Variants in USH2A observed in about 807,000 individuals in gnomAD.
USH2A encodes usherin.
In USH2A, 443 loss-of-function variants were observed where a neutral mutation model predicts 538.9. The ratio of observed to expected loss-of-function variants is 0.82; its 90% CI spans 0.76 to 0.89. USH2A has a LOEUF of 0.89. USH2A is among the 40% of genes least tolerant of loss of function. USH2A has a pLI of 0.00. For synonymous variants in USH2A, 2,413 were observed against 2,273.5 expected (o/e 1.06, Z -1.75); for missense variants, 6,633 against 6,324.8 (o/e 1.05, Z -1.65).
intron 3 of USH2A, among the ~76,000 whole-genome samples, chr1:216,376,949 C>T (rs557068699): frequency 2.6e-5 from 4 of 152,136 alleles, no homozygotes; most frequent in Admixed American, 1.3e-4. Flanking sequence ...TAGAACATCC[C>T]ATTATATAAT....
intron 49 of USH2A, among the ~76,000 whole-genome samples, chr1:215,805,366 G>A (rs1662471166): frequency 6.6e-6 from 1 of 151,994 alleles, no homozygotes; most frequent in Admixed American, 6.6e-5. Context: ...ATTATATTAG[G>A]TACCTAGAGT....
chr1:216,237,875 T>G (rs545005094), intron 13 of USH2A, among the ~76,000 whole-genome samples: 16 of 152,328 alleles, frequency 1.1e-4, no homozygotes, highest in Non-Finnish European at 2.2e-4. Context: ...GTGACAAGAT[T>G]CCTTCCTGAT....
chr1:216,021,771 G>A (rs1484327587), intron 32 of USH2A, among the ~76,000 whole-genome samples: 1 of 152,186 alleles, frequency 6.6e-6, no homozygotes, highest in African/African-American at 2.4e-5. Context: ...CTGATTGTGA[G>A]TGTAAGATAT....
At chr1:215,906,453 T>C (rs1361371717) in intron 38 of USH2A, among the ~76,000 whole-genome samples, 6 of 152,028 alleles carry the variant, frequency 3.9e-5, no homozygotes, top group Admixed American at 3.9e-4. Flanking sequence ...GATTCTAACA[T>C]GGGCCGTTTA....
intron 71 of USH2A, among the ~76,000 whole-genome samples, chr1:215,627,437 C>CCTTCCTTCT (rs1558027487): frequency 1.9e-3 from 96 of 50,726 alleles, no homozygotes; most frequent in African/African-American, 3.3e-3. Context: ...TCCTTCCTTC[C>CCTTCCTTCT]TTCCTTCCTT....
intron 9 of USH2A, among the ~76,000 whole-genome samples, chr1:216,317,443 T>G (rs2037530574): frequency 6.6e-6 from 1 of 152,042 alleles, no homozygotes; most frequent in South Asian, 2.1e-4. Context: ...AGCTAATGGT[T>G]TCTGGACTTA....
chr1:216,023,002 G>A (rs1268331177), intron 32 of USH2A, among the ~76,000 whole-genome samples: 1 of 152,114 alleles, frequency 6.6e-6, no homozygotes, highest in African/African-American at 2.4e-5. Context: ...AAGTGCAAGT[G>A]AGAAAACCCA....
chr1:216,353,187 G>A (rs1571731736), intron 4 of USH2A, among the ~76,000 whole-genome samples: 1 of 152,076 alleles, frequency 6.6e-6, no homozygotes. Context: ...GTGAGAGATA[G>A]TGGAAAGTCG....
At chr1:215,693,106 G>GTA (rs1658673681) in intron 61 of USH2A, among the ~76,000 whole-genome samples, 1 of 107,242 alleles carries the variant, frequency 9.3e-6, no homozygotes, top group Admixed American at 1.0e-4. Context: ...GTGTGTGTGT[G>GTA]TGTGTATGTG....
intron 54 of USH2A, among the ~76,000 whole-genome samples, chr1:215,780,375 A>G (rs902609574): frequency 6.6e-6 from 1 of 152,186 alleles, no homozygotes; most frequent in African/African-American, 2.4e-5. Context: ...ACTCTCTTCC[A>G]TATGGCCCAT....
intron 47 of USH2A, among the ~76,000 whole-genome samples, chr1:215,834,860 T>C (rs1205149721): frequency 1.3e-5 from 2 of 151,900 alleles, no homozygotes; most frequent in Admixed American, 6.6e-5. Flanking sequence ...ATACTCTCTA[T>C]TGTTTTTTCT....
intron 13 of USH2A, among the ~76,000 whole-genome samples, chr1:216,240,612 A>T (rs988510730): frequency 6.6e-6 from 1 of 152,004 alleles, no homozygotes; most frequent in Non-Finnish European, 1.5e-5. Flanking sequence ...TTTAATGAAA[A>T]GTTTTCATAT....
intron 44 of USH2A, among the ~76,000 whole-genome samples, chr1:215,847,420 A>T (rs1389450320): frequency 6.6e-6 from 1 of 152,060 alleles, no homozygotes; most frequent in Non-Finnish European, 1.5e-5. Flanking sequence ...TATGAGGCTG[A>T]GATCACTTGA....
intron 9 of USH2A, among the ~76,000 whole-genome samples, chr1:216,313,690 C>A (rs969682659): frequency 1.3e-5 from 2 of 152,052 alleles, no homozygotes. Context: ...TCGAAAAATT[C>A]TTTTATTGAG....
At chr1:215,675,681 C>A in intron 62 of USH2A, 65 bp from the exon 63 acceptor site, 2 of 1,612,068 alleles carry the variant, frequency 1.2e-6, no homozygotes, top group Non-Finnish European at 1.7e-6. Context: ...AGTTACTTAG[C>A]CCCTTTTTAA....
intron 27 of USH2A, among the ~76,000 whole-genome samples, chr1:216,075,261 C>T (rs140340949): frequency 1.3e-3 from 197 of 152,244 alleles, no homozygotes; most frequent in African/African-American, 4.6e-3. Context: ...CTGCTGAGCT[C>T]TAGTGCAGGG....
intron 32 of USH2A, among the ~76,000 whole-genome samples, chr1:216,011,937 C>T (rs1169522075): frequency 7.3e-6 from 1 of 136,534 alleles, no homozygotes; most frequent in Non-Finnish European, 1.6e-5. Flanking sequence ...CCCCATATTT[C>T]CTTCTTTCCT....
chr1:216,213,332 T>C (rs2035281510), intron 15 of USH2A, among the ~76,000 whole-genome samples: 1 of 152,026 alleles, frequency 6.6e-6, no homozygotes, highest in African/African-American at 2.4e-5. Flanking sequence ...TTTACTTACT[T>C]TTTCTTGATT....
At chr1:216,029,146 A>G (rs1669034375) in intron 32 of USH2A, among the ~76,000 whole-genome samples, 1 of 152,082 alleles carries the variant, frequency 6.6e-6, no homozygotes, top group Non-Finnish European at 1.5e-5. Flanking sequence ...GCCAAAATGT[A>G]CAGAAGACCT....
Sources: gnomAD v4.1 joint callset for allele counts (sites outside exome capture counted in the v4.1 genomes callset) on GRCh38, gnomAD v4.1.1 for gene constraint, MANE v1.5 for transcripts, NCBI Gene and HGNC (gene_info 2026-07-23, HGNC 2026-07-21) for gene names.